Variants in PCDHA1 observed in about 807,000 individuals in gnomAD.
PCDHA1 encodes protocadherin alpha 1, also known as protocadherin alpha-1.
Under a neutral mutation model 61.3 loss-of-function variants are expected in PCDHA1, and 42 were observed. The ratio of observed to expected loss-of-function variants is 0.69; its 90% CI spans 0.54 to 0.89. PCDHA1 has a LOEUF of 0.89. PCDHA1 is among the 40% of genes least tolerant of loss of function. The pLI is 0.00. For missense variants in PCDHA1, 1,256 were observed against 1,235.3 expected, an observed-to-expected ratio of 1.02 and a Z score of -0.25; for synonymous variants, 610 against 553.8, an observed-to-expected ratio of 1.10 and a Z score of -1.43.
intron 1 of PCDHA1, chr5:140,797,285 C>G (rs981486874): frequency 2.5e-6 from 4 of 1,614,114 alleles, no homozygotes; most frequent in Non-Finnish European, 3.4e-6. Flanking sequence ...GCCTTCAGCC[C>G]TAGCTTATCT....
chr5:140,891,934 T>C lies in PCDHA1; in HGVS notation c.2395-87015T>C, dbSNP rs373423866. Among the ~76,000 whole-genome samples the C allele has an allele frequency of 5.9e-5, 9 of 152,230 alleles. No homozygotes were observed. The East Asian group carries it at 9.6e-4, about 16-fold the overall frequency. ...AGATGCTGGTGCCTTGATCTTGGAC[T>C]TCCCCTAGGCTCCAGAATTGTGAGA... On this transcript the variant is annotated intron_variant, in intron 1 of 3. Transcript: ENST00000504120.
intron 1 of PCDHA1, among the ~76,000 whole-genome samples, chr5:140,953,432 C>T (rs1292809968): frequency 6.6e-6 from 1 of 152,108 alleles, no homozygotes; most frequent in Non-Finnish European, 1.5e-5. Context: ...TGTCCTTAAG[C>T]TGGAGAAACT....
At chr5:140,868,397 GATATGAA>G (rs1182982921) in intron 1 of PCDHA1, 2 of 152,062 alleles carry the variant, frequency 1.3e-5, no homozygotes, top group African/African-American at 2.4e-5. Flanking sequence ...ATAGAAAATA[GATATGAA>G]AATGCAAGCC....
At chr5:140,843,143 T>A in intron 1 of PCDHA1, 1 of 1,595,956 alleles carries the variant, frequency 6.3e-7, no homozygotes, top group Non-Finnish European at 8.6e-7. Context: ...CGCGTGGCTT[T>A]CGTATGAGCT....
At chr5:140,850,001 C>T in intron 1 of PCDHA1, 1 of 1,597,070 alleles carries the variant, frequency 6.3e-7, no homozygotes, top group Non-Finnish European at 8.6e-7. Flanking sequence ...TGGGCGAGCG[C>T]TCGCTGTCGA....
intron 3 of PCDHA1, among the ~76,000 whole-genome samples, chr5:140,990,262 C>T (rs2097383201): frequency 6.6e-6 from 1 of 152,152 alleles, no homozygotes; most frequent in South Asian, 2.1e-4. Context: ...GGATACCAAA[C>T]AATGTACCCC....
At chr5:140,841,572 T>C (rs1562389584) in intron 1 of PCDHA1, 4 of 1,613,982 alleles carry the variant, frequency 2.5e-6, no homozygotes, top group Middle Eastern at 1.7e-4. Flanking sequence ...AATGGCATTT[T>C]GTTTGTGAAT....
chr5:140,802,731 G>C, intron 1 of PCDHA1: 8 of 1,612,540 alleles, frequency 5.0e-6, no homozygotes, highest in Non-Finnish European at 6.8e-6. Flanking sequence ...GTCGGTACAC[G>C]CGGAGAGCGG....
At chr5:140,876,876 C>T (rs1439703522) in intron 1 of PCDHA1, 1 of 1,614,012 alleles carries the variant, frequency 6.2e-7, no homozygotes, top group Non-Finnish European at 8.5e-7. Context: ...AGGAGAACAA[C>T]CCGCCGGGCT....
At chr5:140,821,484 T>A (rs1425462413) in intron 1 of PCDHA1, 14 of 285,438 alleles carry the variant, frequency 4.9e-5, no homozygotes, top group African/African-American at 1.1e-4. Context: ...TGAGAATACT[T>A]GAGAAATATT....
At chr5:140,803,905 T>C (rs185777176) in intron 1 of PCDHA1, 1 of 516,614 alleles carries the variant, frequency 1.9e-6, no homozygotes, top group Non-Finnish European at 3.4e-6. Flanking sequence ...ATTTAGAGAA[T>C]CTGACTTCGA....
chr5:140,863,406 G>T, intron 1 of PCDHA1: 1 of 800,564 alleles, frequency 1.2e-6, no homozygotes, highest in South Asian at 1.3e-5. Flanking sequence ...GCAAGCCCAC[G>T]CTGGTGTACC....
chr5:140,808,134 A>G (rs17844278), intron 1 of PCDHA1: 2 of 1,614,084 alleles, frequency 1.2e-6, no homozygotes, highest in East Asian at 4.5e-5. Flanking sequence ...AGCAAATCCT[A>G]TGAAATTATT....
chr5:140,809,631 C>T (rs782121997), intron 1 of PCDHA1: 5 of 1,502,120 alleles, frequency 3.3e-6, no homozygotes, highest in Non-Finnish European at 3.6e-6. Context: ...TCAACTTCTT[C>T]GTAAATTTAT....
In PCDHA1 at chr5:140,848,841, G is replaced by A. The variant is rs2150422504; in HGVS notation, c.2394+60157G>A. The A allele has an allele frequency of 3.6e-5, 57 of 1,590,472 alleles. 1 individual carries two copies. In the African/African-American group the frequency reaches 7.3e-4, roughly 20 times the overall value. On this transcript the variant is annotated intron_variant, in intron 1 of 3. Transcript: ENST00000504120. ...GGTGATCGTAGACAGGCCGCTGCAG[G>A]TTTTCCATGTGGACGTGGAGGTGAA...
At chr5:140,956,622 C>T (rs1438482570) in intron 1 of PCDHA1, among the ~76,000 whole-genome samples, 2 of 152,008 alleles carry the variant, frequency 1.3e-5, no homozygotes, top group African/African-American at 4.8e-5. Context: ...CTTTTTGTTG[C>T]ATCTCTGCCA....
chr5:140,986,042 C>T (rs1344724281), intron 3 of PCDHA1, among the ~76,000 whole-genome samples: 1 of 152,104 alleles, frequency 6.6e-6, no homozygotes, highest in Admixed American at 6.5e-5. Context: ...CCTGGCCTCA[C>T]TGATGAATTC....
In PCDHA1 at chr5:140,823,746, G is replaced by A. The variant is rs1554129586; in HGVS notation, c.2394+35062G>A. On this transcript the variant is annotated intron_variant, in intron 1 of 3. Transcript: ENST00000504120. ...TGGTGAAGGACCATGGAGAGCCCCC[G>A]CTGACAGCCACAGCCACAGTGCTGG... 6 of 1,613,840 alleles carry A rather than the reference G, an allele frequency of 3.7e-6. No homozygotes were observed. The East Asian group carries it at 6.7e-5, about 18-fold the overall frequency.
At chr5:140,951,426 A>T (rs1282737926) in intron 1 of PCDHA1, among the ~76,000 whole-genome samples, 1 of 152,068 alleles carries the variant, frequency 6.6e-6, no homozygotes, top group Non-Finnish European at 1.5e-5. Flanking sequence ...ACAGTTCCAC[A>T]GGCTGTAGGA....
Sources: allele counts gnomAD v4.1 joint callset (sites outside exome capture counted in the v4.1 genomes callset), GRCh38; gene constraint gnomAD v4.1.1; transcripts MANE v1.5; gene names NCBI Gene and HGNC (gene_info 2026-07-23, HGNC 2026-07-21).